The following NUBPL variants were observed in gnomAD, a reference collection of about 807,000 sequenced individuals.
The protein encoded by NUBPL is NUBP iron-sulfur cluster assembly factor, mitochondrial.
A neutral mutation model predicts 45.7 loss-of-function variants in NUBPL; 31 were observed. The observed-to-expected ratio is 0.68, with a 90% CI of 0.51 to 0.92. The LOEUF is 0.92. NUBPL is among the 40% of genes least tolerant of loss of function. NUBPL has a pLI of 0.00. For missense variants in NUBPL, 401 were observed against 398.7 expected (o/e 1.01, Z -0.05); for synonymous variants, 144 against 140.9 (o/e 1.02, Z -0.15).
chr14:31,648,593 T>C (rs2035918126), intron 4 of NUBPL, among the ~76,000 whole-genome samples: 1 of 152,260 alleles, frequency 6.6e-6, no homozygotes, highest in African/African-American at 2.4e-5. Flanking sequence ...TTCAGACATA[T>C]CAGATAATCT....
chr14:31,810,898 A>G (rs1425418319), intron 7 of NUBPL, among the ~76,000 whole-genome samples: 1 of 152,192 alleles, frequency 6.6e-6, no homozygotes, highest in African/African-American at 2.4e-5. Context: ...GCTGGATATG[A>G]AATTCTGGGT....
chr14:31,667,372 G>A (rs2036458218), intron 4 of NUBPL, among the ~76,000 whole-genome samples: 1 of 151,832 alleles, frequency 6.6e-6, no homozygotes, highest in South Asian at 2.1e-4. Flanking sequence ...GCTTCATGAA[G>A]TTCTCGTGCT....
At chr14:31,729,503 A>G (rs1463017752) in intron 6 of NUBPL, among the ~76,000 whole-genome samples, 4 of 152,146 alleles carry the variant, frequency 2.6e-5, no homozygotes, top group Non-Finnish European at 5.9e-5. Context: ...CCTACATTTG[A>G]ATGTACAAAT....
intron 4 of NUBPL, among the ~76,000 whole-genome samples, chr14:31,602,446 A>G (rs1187760272): frequency 6.6e-6 from 1 of 151,544 alleles, no homozygotes; most frequent in African/African-American, 2.4e-5. Context: ...TTGAGGAATC[A>G]TTTCTATAAT....
chr14:31,662,461 C>T (rs1257179606), intron 4 of NUBPL, among the ~76,000 whole-genome samples: 1 of 151,800 alleles, frequency 6.6e-6, no homozygotes, highest in East Asian at 2.0e-4. Context: ...TAATGTTATC[C>T]CTTCCCTCTG....
chr14:31,846,679 G>A (rs747893907), intron 9 of NUBPL, 88 bp downstream of exon 9: 65 of 1,570,866 alleles, frequency 4.1e-5, no homozygotes, highest in East Asian at 9.3e-5. Flanking sequence ...CTCAGAGGCC[G>A]GGCACGGAGT....
At position 31,756,058 on chromosome 14, in the gene NUBPL, T is replaced by A. The variant is rs578017850; in HGVS notation, c.514-31722T>A. Among the ~76,000 whole-genome samples, 9 of 152,116 alleles carry A rather than the reference T, an allele frequency of 5.9e-5. No homozygotes were observed. In the East Asian group the frequency reaches 1.7e-3, roughly 29 times the overall value. On this transcript the variant is annotated intron_variant, in intron 6 of 10. Coordinates refer to ENST00000281081, the MANE Select transcript of NUBPL (RefSeq NM_025152.3). ...AGCTCTGTTCTGTTCCATTGGTCTA[T>A]ATCTCTGTTTTGGTACCAGTACCAT...
chr14:31,663,821 A>G (rs1157306185), intron 4 of NUBPL, among the ~76,000 whole-genome samples: 1 of 152,246 alleles, frequency 6.6e-6, no homozygotes, highest in Non-Finnish European at 1.5e-5. Flanking sequence ...TCTATAAATT[A>G]CTTTGGGCAG....
intron 4 of NUBPL, among the ~76,000 whole-genome samples, chr14:31,619,653 G>A (rs866224864): frequency 6.6e-6 from 1 of 152,124 alleles, no homozygotes; most frequent in South Asian, 2.1e-4. Flanking sequence ...TGAGAGATCC[G>A]CTGTTAGTCT....
rs189564866 is a variant in NUBPL at position 31,710,157 on chromosome 14, G to A, written c.513+36583G>A. Among the ~76,000 whole-genome samples, 17 of 152,190 alleles carry A rather than the reference G, an allele frequency of 1.1e-4. No individual in the cohort carries two copies. In the East Asian group the frequency reaches 1.9e-3, roughly 17 times the overall value. On this transcript the variant is annotated intron_variant, in intron 6 of 10. Coordinates refer to ENST00000281081, the MANE Select transcript of NUBPL (RefSeq NM_025152.3). Reference sequence around the variant, plus strand: ...AAAAATGTGTCACCTCTTTTTCAGGGTTTATGGGTCAAATTGGTCCCAATG... The same window carrying A: ...AAAAATGTGTCACCTCTTTTTCAGGATTTATGGGTCAAATTGGTCCCAATG...
chr14:31,806,941 G>A (rs538536307), intron 7 of NUBPL, among the ~76,000 whole-genome samples: 28 of 152,302 alleles, frequency 1.8e-4, no homozygotes, highest in African/African-American at 6.3e-4. Flanking sequence ...TCGCTACACA[G>A]GACATGAACT....
intron 6 of NUBPL, among the ~76,000 whole-genome samples, chr14:31,678,071 C>A (rs2036743661): frequency 6.6e-6 from 1 of 152,234 alleles, no homozygotes; most frequent in Admixed American, 6.5e-5. Context: ...GAGCCTCACT[C>A]TGTGGCCACC....
rs116662336 is a variant in NUBPL at position 31,582,073 on chromosome 14, T to A, written c.291+17025T>A. On this transcript the variant is annotated intron_variant, in intron 3 of 10. Coordinates refer to ENST00000281081, the MANE Select transcript of NUBPL (RefSeq NM_025152.3). The stretch of plus-strand genomic sequence containing the variant: ...GGCTTGAAATAGTGGTAAGCCTTGT[T>A]TTTTAGTAGTTCTCTAAGAAATTAA... Among the ~76,000 whole-genome samples, 554 of 152,294 alleles carry A rather than the reference T, an allele frequency of 3.6e-3. 8 individuals are homozygous for A. Among genetic ancestry groups the A allele is most frequent in the African/African-American group, 0.013 (524 of 41,562 alleles).
chr14:31,729,094 A>G (rs1755852014), intron 6 of NUBPL, among the ~76,000 whole-genome samples: 1 of 152,184 alleles, frequency 6.6e-6, no homozygotes, highest in African/African-American at 2.4e-5. Flanking sequence ...CAGCCTGGCC[A>G]ACATGGAGAA....
chr14:31,730,118 GACAAT>G lies in NUBPL; in HGVS notation c.513+56545_513+56549del, dbSNP rs566689394. On this transcript the variant is annotated intron_variant, in intron 6 of 10. Transcript: ENST00000281081. The stretch of plus-strand genomic sequence containing the variant: ...AATTTGGACCAATATTCATGCTAAG[GACAAT>G]TTAAAAATTGGATAAAATATGAAAA... Among the ~76,000 whole-genome samples the G allele has an allele frequency of 1.4e-4, 21 of 152,220 alleles. No homozygotes were observed. The South Asian group carries it at 3.7e-3, about 27-fold the overall frequency.
intron 4 of NUBPL, among the ~76,000 whole-genome samples, chr14:31,647,876 T>C (rs1006768070): frequency 1.3e-5 from 2 of 152,250 alleles, no homozygotes; most frequent in Non-Finnish European, 2.9e-5. Flanking sequence ...ACTGTTTTCT[T>C]GGCCTTACCA....
chr14:31,780,733 T>C (rs957481625), intron 6 of NUBPL, among the ~76,000 whole-genome samples: 1 of 152,148 alleles, frequency 6.6e-6, no homozygotes, highest in Non-Finnish European at 1.5e-5. Context: ...TAACTGTGGA[T>C]AACAAAAATT....
At chr14:31,679,935 A>G (rs545920511) in intron 6 of NUBPL, among the ~76,000 whole-genome samples, 1 of 152,072 alleles carries the variant, frequency 6.6e-6, no homozygotes, top group Non-Finnish European at 1.5e-5. Context: ...TATAGTTTTT[A>G]GCATATAGGT....
chr14:31,660,645 T>C lies in NUBPL; in HGVS notation c.383-12710T>C, dbSNP rs1302528567. Among the ~76,000 whole-genome samples the C allele has an allele frequency of 2.0e-5, 3 of 152,350 alleles. No homozygotes were observed. In the East Asian group the frequency reaches 5.8e-4, roughly 29 times the overall value. ...TAAAATGAGGTTGTATATTCTTGAT[T>C]ATACTCTCTGTCCCCATTTTAAGAA... is the stretch of plus-strand genomic sequence containing the variant. On this transcript the variant is annotated intron_variant, in intron 4 of 10. Coordinates refer to ENST00000281081, the MANE Select transcript of NUBPL (RefSeq NM_025152.3).
Sources: gnomAD v4.1 joint callset for allele counts (sites outside exome capture counted in the v4.1 genomes callset) on GRCh38, gnomAD v4.1.1 for gene constraint, MANE v1.5 for transcripts, NCBI Gene and HGNC (gene_info 2026-07-23, HGNC 2026-07-21) for gene names.